Variants in KANSL1L observed in about 807,000 individuals in gnomAD.
The protein encoded by KANSL1L is KAT8 regulatory NSL complex subunit 1 like.
KANSL1L carries 25 observed loss-of-function variants against 108.6 expected under a neutral mutation model. That is an observed-to-expected ratio of 0.23 (90% CI 0.17 to 0.32). KANSL1L has a LOEUF of 0.32. Ranked by LOEUF, KANSL1L falls within the 10% of genes least tolerant of loss-of-function variation. The probability of loss-of-function intolerance (pLI) is 1.00; values close to 1 mark genes in which losing one functional copy is unlikely to be tolerated. For synonymous variants in KANSL1L, 405 were observed against 395.1 expected, an observed-to-expected ratio of 1.03 and a Z score of -0.30; for missense variants, 1,137 against 1,125.7, an observed-to-expected ratio of 1.01 and a Z score of -0.14.
intron 2 of KANSL1L, among the ~76,000 whole-genome samples, chr2:210,137,527 A>T (rs2095185187): frequency 6.6e-6 from 1 of 152,248 alleles, no homozygotes; most frequent in African/African-American, 2.4e-5. Flanking sequence ...AATGAATTAC[A>T]TACATTTTTA....
intron 1 of KANSL1L, among the ~76,000 whole-genome samples, chr2:210,161,663 T>C (rs188923656): frequency 3.3e-5 from 5 of 152,324 alleles, no homozygotes; most frequent in East Asian, 3.9e-4. Context: ...ATTCAGAAGA[T>C]AATGTGTTCA....
At chr2:210,079,301 AAATAT>A (rs2094564208) in intron 5 of KANSL1L, among the ~76,000 whole-genome samples, 1 of 152,084 alleles carries the variant, frequency 6.6e-6, no homozygotes, top group Non-Finnish European at 1.5e-5. Context: ...ATAATTATCA[AAATAT>A]AATTATCGGC....
chr2:210,148,004 C>A (rs1443947253), intron 2 of KANSL1L, among the ~76,000 whole-genome samples: 1 of 152,166 alleles, frequency 6.6e-6, no homozygotes, highest in Non-Finnish European at 1.5e-5. Flanking sequence ...TAAACATCAA[C>A]AATTCCCCTT....
At chr2:210,133,084 T>C (rs1420651006) in intron 2 of KANSL1L, among the ~76,000 whole-genome samples, 5 of 152,158 alleles carry the variant, frequency 3.3e-5, no homozygotes, top group Admixed American at 2.6e-4. Flanking sequence ...TTTATTGACA[T>C]GTACTTGTTC....
chr2:210,023,622 G>A (rs1430135753), intron 14 of KANSL1L, among the ~76,000 whole-genome samples: 2 of 152,142 alleles, frequency 1.3e-5, no homozygotes, highest in Admixed American at 6.5e-5. Flanking sequence ...AGGAAGAAAG[G>A]TGTAAGAACT....
intron 3 of KANSL1L, among the ~76,000 whole-genome samples, chr2:210,110,623 G>C (rs1327794906): frequency 6.6e-6 from 1 of 152,104 alleles, no homozygotes; most frequent in Non-Finnish European, 1.5e-5. Context: ...GTGGTACAGA[G>C]AGACAAATGA....
intron 5 of KANSL1L, among the ~76,000 whole-genome samples, chr2:210,094,351 G>C (rs2094717873): frequency 6.6e-6 from 1 of 152,028 alleles, no homozygotes; most frequent in African/African-American, 2.4e-5. Flanking sequence ...AAAGTGCTTT[G>C]TGGTTTAAGT....
intron 8 of KANSL1L, among the ~76,000 whole-genome samples, chr2:210,037,568 T>G (rs1411895962): frequency 6.6e-6 from 1 of 152,192 alleles, no homozygotes; most frequent in Non-Finnish European, 1.5e-5. Context: ...TAATTTTTAC[T>G]GTGGAAAATT....
intron 1 of KANSL1L, among the ~76,000 whole-genome samples, chr2:210,157,045 G>C (rs1163862582): frequency 1.3e-5 from 2 of 149,912 alleles, no homozygotes; most frequent in Non-Finnish European, 3.0e-5. Context: ...TATGGAAATA[G>C]AAAAACAATT....
rs998324601 is a variant in KANSL1L, at chr2:210,089,232, C to A, written c.1550+8854G>T. On this transcript the variant is annotated intron_variant, in intron 5 of 14. Transcript: ENST00000281772. ...TTAAGTGGAATCCACAATCATCTTACTGTCACGGATACCTCTTTCCATATA... is the reference window on the plus strand; with the variant it reads ...TTAAGTGGAATCCACAATCATCTTAATGTCACGGATACCTCTTTCCATATA... Among the ~76,000 whole-genome samples the A allele has an allele frequency of 2.0e-5, 3 of 152,174 alleles. No homozygotes were observed. In the South Asian group the frequency reaches 6.2e-4, roughly 31 times the overall value.
chr2:210,037,385 A>AT (rs1235078974), intron 8 of KANSL1L, among the ~76,000 whole-genome samples: 6 of 152,232 alleles, frequency 3.9e-5, no homozygotes, highest in Admixed American at 3.9e-4. Context: ...TCATGGATGC[A>AT]TTTTTTTCCC....
chr2:210,140,325 T>C (rs1035869213), intron 2 of KANSL1L, among the ~76,000 whole-genome samples: 11 of 152,222 alleles, frequency 7.2e-5, no homozygotes, highest in Non-Finnish European at 1.2e-4. Flanking sequence ...CACCTTAAGT[T>C]GATGTGGGAA....
intron 11 of KANSL1L, 54 bp from the exon 12 acceptor site, chr2:210,027,404 A>G (rs2093953013): frequency 8.3e-7 from 1 of 1,201,546 alleles, no homozygotes. Flanking sequence ...AAATGTGGCA[A>G]TTTTATACTC....
chr2:210,095,481 G>A (rs1265701404), intron 5 of KANSL1L, among the ~76,000 whole-genome samples: 1 of 152,020 alleles, frequency 6.6e-6, no homozygotes, highest in African/African-American at 2.4e-5. Flanking sequence ...AATAGACCAC[G>A]TTTCCTCAAA....
In KANSL1L at chr2:210,156,561, A is replaced by AAT. The variant is rs561555529; in HGVS notation, c.-29-1952_-29-1951dup. Among the ~76,000 whole-genome samples the AAT allele has an allele frequency of 2.3e-4, 35 of 152,126 alleles. No individual in the cohort carries two copies. In the South Asian group the frequency reaches 7.2e-3, roughly 31 times the overall value. On this transcript the variant is annotated intron_variant, in intron 1 of 14. Transcript: ENST00000281772. ...TTAAAAATAAAAAAGAACACTGTAAAATATATATATAGTATAGTACCATAT... is the reference window on the plus strand; with the variant it reads ...TTAAAAATAAAAAAGAACACTGTAAAATATATATATATAGTATAGTACCATAT...
intron 3 of KANSL1L, among the ~76,000 whole-genome samples, chr2:210,119,685 C>T (rs2094995596): frequency 1.3e-5 from 2 of 151,966 alleles, no homozygotes; most frequent in Admixed American, 1.3e-4. Context: ...AGGAACTTAC[C>T]TCAACACAAT....
chr2:210,121,624 G>A (rs530130593), intron 3 of KANSL1L, among the ~76,000 whole-genome samples: 29 of 152,046 alleles, frequency 1.9e-4, no homozygotes, highest in South Asian at 4.2e-4. Flanking sequence ...TAACACACCC[G>A]CACTTGTACC....
intron 2 of KANSL1L, among the ~76,000 whole-genome samples, chr2:210,138,891 G>A (rs2095200484): frequency 6.6e-6 from 1 of 152,094 alleles, no homozygotes; most frequent in Non-Finnish European, 1.5e-5. Flanking sequence ...CTAAGGTCAG[G>A]AGTTCAAGAC....
At chr2:210,097,105 G>A (rs1284762039) in intron 5 of KANSL1L, 9 of 255,430 alleles carry the variant, frequency 3.5e-5, no homozygotes, top group African/African-American at 9.3e-5. Context: ...CACCACGCCC[G>A]GCTAATTTTT....
Sources: allele counts gnomAD v4.1 joint callset (sites outside exome capture counted in the v4.1 genomes callset), GRCh38; gene constraint gnomAD v4.1.1; transcripts MANE v1.5; gene names NCBI Gene and HGNC (gene_info 2026-07-23, HGNC 2026-07-21).